The following TMEM135 variants were observed in gnomAD, a reference collection of about 807,000 sequenced individuals.
TMEM135 encodes the protein peroxisomal membrane protein 52.
A neutral mutation model predicts 60.3 loss-of-function variants in TMEM135; 30 were observed. The observed-to-expected ratio is 0.50, with a 90% CI of 0.37 to 0.68. The LOEUF (loss-of-function observed/expected upper bound fraction) is 0.68, where lower values mean the gene tolerates loss of function less well. Among genes scored for constraint, TMEM135 ranks in the 30% least tolerant of loss-of-function variants. TMEM135 has a pLI of 0.00. For synonymous variants in TMEM135, 190 were observed against 186.7 expected (o/e 1.02, Z -0.14); for missense variants, 468 against 548.8 (o/e 0.85, Z 1.47).
At chr11:87,103,702 A>G (rs1286334766) in intron 4 of TMEM135, among the ~76,000 whole-genome samples, 1 of 151,910 alleles carries the variant, frequency 6.6e-6, no homozygotes, top group African/African-American at 2.4e-5. Context: ...TCTGTCACTC[A>G]GGCTGGAGTG....
At chr11:87,086,640 T>G (rs531342196) in intron 3 of TMEM135, among the ~76,000 whole-genome samples, 18 of 151,864 alleles carry the variant, frequency 1.2e-4, no homozygotes, top group African/African-American at 4.4e-4. Flanking sequence ...TTTGTGAGTA[T>G]GCAAAAAAGT....
At chr11:87,311,284 GAAT>G (rs1420545863) in intron 10 of TMEM135, among the ~76,000 whole-genome samples, 3 of 151,518 alleles carry the variant, frequency 2.0e-5, no homozygotes, top group African/African-American at 7.3e-5. Flanking sequence ...TGGAAAGGAG[GAAT>G]AATAAACTAT....
chr11:87,259,388 A>ATGTG (rs1565145205), intron 6 of TMEM135: 13 of 297,968 alleles, frequency 4.4e-5, no homozygotes, highest in Non-Finnish European at 8.0e-5. Context: ...GTGTGTGTGT[A>ATGTG]TATGTGTATG....
At chr11:87,201,100 T>G (rs1005676378) in intron 5 of TMEM135, among the ~76,000 whole-genome samples, 7 of 152,148 alleles carry the variant, frequency 4.6e-5, no homozygotes, top group African/African-American at 1.7e-4. Flanking sequence ...CTAAGTACAG[T>G]TATTCCTGTT....
intron 5 of TMEM135, among the ~76,000 whole-genome samples, chr11:87,172,364 A>G (rs1379317474): frequency 6.6e-6 from 1 of 152,118 alleles, no homozygotes; most frequent in Non-Finnish European, 1.5e-5. Context: ...AGATTTTTGT[A>G]TGTAAAGTAG....
intron 6 of TMEM135, among the ~76,000 whole-genome samples, chr11:87,293,745 T>G (rs1227582114): frequency 6.6e-6 from 1 of 152,242 alleles, no homozygotes; most frequent in African/African-American, 2.4e-5. Flanking sequence ...CACATTTTCT[T>G]TATCCATTTG....
intron 5 of TMEM135, among the ~76,000 whole-genome samples, chr11:87,199,475 A>G (rs367685071): frequency 6.6e-6 from 1 of 152,228 alleles, no homozygotes; most frequent in African/African-American, 2.4e-5. Context: ...ACTACTGTCA[A>G]TGAACCTGAC....
intron 2 of TMEM135, 62 bp downstream of exon 2, chr11:87,067,883 A>G (rs1856697449): frequency 1.3e-6 from 2 of 1,590,512 alleles, no homozygotes; most frequent in Non-Finnish European, 1.7e-6. Flanking sequence ...GGAAACAAGT[A>G]TGTGTTTACA....
intron 1 of TMEM135, among the ~76,000 whole-genome samples, chr11:87,057,969 A>G (rs1949909639): frequency 1.3e-5 from 2 of 152,198 alleles, no homozygotes. Context: ...ACAATGGTGT[A>G]AGTTCCAGTC....
chr11:87,126,769 T>C (rs1412941631), intron 4 of TMEM135, among the ~76,000 whole-genome samples: 1 of 152,160 alleles, frequency 6.6e-6, no homozygotes, highest in Non-Finnish European at 1.5e-5. Context: ...AGCATTACCT[T>C]TAATGAAGGC....
chr11:87,248,266 G>T (rs573448756), intron 6 of TMEM135, among the ~76,000 whole-genome samples: 44 of 152,272 alleles, frequency 2.9e-4, no homozygotes, highest in African/African-American at 9.9e-4. Context: ...AGTTCTTTGA[G>T]AAACCTCTAA....
At chr11:87,257,350 ATTTTC>A (rs1254329944) in intron 6 of TMEM135, among the ~76,000 whole-genome samples, 1 of 151,934 alleles carries the variant, frequency 6.6e-6, no homozygotes, top group African/African-American at 2.4e-5. Context: ...TCTTTCTGTT[ATTTTC>A]TTTTGTTTAA....
At chr11:87,280,396 A>G (rs1330746936) in intron 6 of TMEM135, among the ~76,000 whole-genome samples, 1 of 152,176 alleles carries the variant, frequency 6.6e-6, no homozygotes, top group Admixed American at 6.5e-5. Context: ...CGTTTTTGGC[A>G]TGGTGTGACA....
At chr11:87,252,798 A>ATGTGTGTGTGTGTGTG (rs558272693) in intron 6 of TMEM135, among the ~76,000 whole-genome samples, 1,484 of 134,132 alleles carry the variant, frequency 0.011, 18 homozygotes, top group Non-Finnish European at 0.017. Context: ...TAAAATATAT[A>ATGTGTGTGTGTGTGTG]TGTGTGTGTG....
At chr11:87,094,047 T>C (rs1401062743) in intron 4 of TMEM135, among the ~76,000 whole-genome samples, 2 of 152,202 alleles carry the variant, frequency 1.3e-5, no homozygotes, top group African/African-American at 4.8e-5. Context: ...TATGATTTTA[T>C]ATTATAATTT....
At chr11:87,068,581 C>G (rs948789961) in intron 2 of TMEM135, among the ~76,000 whole-genome samples, 1 of 151,854 alleles carries the variant, frequency 6.6e-6, no homozygotes, top group Non-Finnish European at 1.5e-5. Context: ...GAGGCCGAGG[C>G]GGGTGGATCA....
intron 4 of TMEM135, among the ~76,000 whole-genome samples, chr11:87,097,135 T>A (rs1857348774): frequency 6.6e-6 from 1 of 152,124 alleles, no homozygotes; most frequent in Non-Finnish European, 1.5e-5. Flanking sequence ...TAGTTGGGAT[T>A]ACAGGCGCAC....
chr11:87,159,611 A>ACACACACACACACACG (rs1228938204), intron 5 of TMEM135, among the ~76,000 whole-genome samples: 1 of 144,488 alleles, frequency 6.9e-6, no homozygotes, highest in Non-Finnish European at 1.5e-5. Flanking sequence ...ACACACACAC[A>ACACACACACACACACG]CACACACCAT....
intron 5 of TMEM135, among the ~76,000 whole-genome samples, chr11:87,213,087 T>C (rs1298061084): frequency 6.6e-6 from 1 of 152,124 alleles, no homozygotes; most frequent in Non-Finnish European, 1.5e-5. Context: ...AAAGAGAGTA[T>C]TCATTGATAA....
Sources: allele counts gnomAD v4.1 joint callset (sites outside exome capture counted in the v4.1 genomes callset), GRCh38; gene constraint gnomAD v4.1.1; transcripts MANE v1.5; gene names NCBI Gene and HGNC (gene_info 2026-07-23, HGNC 2026-07-21).